NRG3: variants seen among roughly 807,000 people sequenced by gnomAD.
NRG3 encodes the protein pro-neuregulin-3, membrane-bound isoform.
NRG3 carries 31 observed loss-of-function variants against 66.9 expected under a neutral mutation model. The observed-to-expected ratio is 0.46, with a 90% CI of 0.35 to 0.63. NRG3 has a LOEUF of 0.63. Among genes scored for constraint, NRG3 ranks in the 20% least tolerant of loss-of-function variants. NRG3 has a pLI of 0.00. For missense variants in NRG3, 910 were observed against 878.9 expected, an observed-to-expected ratio of 1.04 and a Z score of -0.45; for synonymous variants, 393 against 359.4, an observed-to-expected ratio of 1.09 and a Z score of -1.06.
intron 1 of NRG3, among the ~76,000 whole-genome samples, chr10:82,204,886 C>G (rs2075041031): frequency 6.6e-6 from 1 of 152,168 alleles, no homozygotes; most frequent in South Asian, 2.1e-4. Context: ...GAAGTGGAGA[C>G]AGAGTGAGGA....
chr10:82,456,917 C>A (rs1223549140), intron 2 of NRG3, among the ~76,000 whole-genome samples: 1 of 152,052 alleles, frequency 6.6e-6, no homozygotes, highest in Non-Finnish European at 1.5e-5. Flanking sequence ...CAGTTCTCCT[C>A]TGTAGCCTGC....
intron 2 of NRG3, among the ~76,000 whole-genome samples, chr10:82,674,574 C>T (rs1406726207): frequency 6.6e-6 from 1 of 152,124 alleles, no homozygotes; most frequent in Admixed American, 6.5e-5. Flanking sequence ...ATGATCCCAG[C>T]AAGGAATGAG....
At chr10:81,880,531 T>C (rs140442606) in intron 1 of NRG3, among the ~76,000 whole-genome samples, 28 of 152,306 alleles carry the variant, frequency 1.8e-4, no homozygotes, top group African/African-American at 6.7e-4. Flanking sequence ...AGATCCAGGA[T>C]GTAGAGGAAT....
chr10:82,502,083 T>G (rs927357212), intron 2 of NRG3, among the ~76,000 whole-genome samples: 1 of 152,228 alleles, frequency 6.6e-6, no homozygotes, highest in Non-Finnish European at 1.5e-5. Context: ...ATTTGAATGC[T>G]ATGGGTGAGA....
chr10:82,006,253 G>A (rs1031289568), intron 1 of NRG3, among the ~76,000 whole-genome samples: 4 of 151,930 alleles, frequency 2.6e-5, no homozygotes, highest in Admixed American at 6.6e-5. Flanking sequence ...GGCCATTTGA[G>A]TGTCTTATGT....
intron 3 of NRG3, among the ~76,000 whole-genome samples, chr10:82,743,505 G>A (rs1030211984): frequency 2.6e-5 from 4 of 152,000 alleles, no homozygotes; most frequent in South Asian, 4.1e-4. Flanking sequence ...AACAATCTTC[G>A]GTAGAGTGTG....
intron 2 of NRG3, among the ~76,000 whole-genome samples, chr10:82,644,435 C>CT (rs2050796319): frequency 6.6e-6 from 1 of 152,030 alleles, no homozygotes; most frequent in Non-Finnish European, 1.5e-5. Flanking sequence ...CTTTTCTCTT[C>CT]TTTTTTTAAC....
intron 1 of NRG3, among the ~76,000 whole-genome samples, chr10:82,301,141 C>T (rs1390709507): frequency 6.6e-6 from 1 of 152,104 alleles, no homozygotes. Context: ...CGTGTGACAT[C>T]TGTTGAAATA....
At chr10:82,593,606 C>T (rs1406759696) in intron 2 of NRG3, among the ~76,000 whole-genome samples, 2 of 151,686 alleles carry the variant, frequency 1.3e-5, no homozygotes, top group Non-Finnish European at 2.9e-5. Context: ...ACTTCACAGG[C>T]TTAATTTAAG....
intron 2 of NRG3, among the ~76,000 whole-genome samples, chr10:82,687,185 G>T (rs1457979288): frequency 1.3e-5 from 2 of 152,110 alleles, no homozygotes; most frequent in Non-Finnish European, 2.9e-5. Flanking sequence ...GGCATAATGG[G>T]CTTCAAAATG....
chr10:82,703,582 G>A (rs1591239689), intron 2 of NRG3, among the ~76,000 whole-genome samples: 1 of 152,040 alleles, frequency 6.6e-6, no homozygotes, highest in Non-Finnish European at 1.5e-5. Flanking sequence ...CATTCAACAG[G>A]CACCCTTTTA....
chr10:82,930,323 G>C (rs1229694853), intron 4 of NRG3, among the ~76,000 whole-genome samples: 1 of 152,192 alleles, frequency 6.6e-6, no homozygotes, highest in South Asian at 2.1e-4. Flanking sequence ...ACTATGGTTA[G>C]CATAGTGGTG....
intron 1 of NRG3, among the ~76,000 whole-genome samples, chr10:82,072,693 CT>C (rs11379230): frequency 4.8e-4 from 72 of 150,038 alleles, no homozygotes; most frequent in African/African-American, 1.3e-3. Context: ...TTATAGATGA[CT>C]TTTTTTTTGC....
At chr10:82,093,182 G>C (rs2066135011) in intron 1 of NRG3, among the ~76,000 whole-genome samples, 1 of 152,134 alleles carries the variant, frequency 6.6e-6, no homozygotes, top group Non-Finnish European at 1.5e-5. Context: ...TCATTATTCA[G>C]ATAAGGACAC....
At chr10:82,785,981 A>C (rs949070796) in intron 3 of NRG3, among the ~76,000 whole-genome samples, 1 of 151,870 alleles carries the variant, frequency 6.6e-6, no homozygotes, top group African/African-American at 2.4e-5. Context: ...ATGGCGATCT[A>C]CTCCTAAATT....
chr10:82,469,477 G>GGTGGTC (rs1311828941), intron 2 of NRG3, among the ~76,000 whole-genome samples: 2 of 152,168 alleles, frequency 1.3e-5, no homozygotes, highest in Non-Finnish European at 2.9e-5. Flanking sequence ...TGGTGGTGGT[G>GGTGGTC]GTGGTCATGG....
intron 2 of NRG3, among the ~76,000 whole-genome samples, chr10:82,479,055 T>C (rs146515647): frequency 6.6e-6 from 1 of 152,314 alleles, no homozygotes. Flanking sequence ...CACTATCCAA[T>C]TTAATATCCT....
intron 1 of NRG3, among the ~76,000 whole-genome samples, chr10:82,313,127 G>A (rs966327953): frequency 2.0e-5 from 3 of 152,134 alleles, no homozygotes; most frequent in Non-Finnish European, 2.9e-5. Context: ...GCAGTGAACC[G>A]AGGTTGCGCC....
At chr10:82,589,166 A>T (rs1360041396) in intron 2 of NRG3, among the ~76,000 whole-genome samples, 1 of 152,108 alleles carries the variant, frequency 6.6e-6, no homozygotes, top group Non-Finnish European at 1.5e-5. Context: ...GCCGCTGTTC[A>T]TATCAATTAT....
Sources: allele counts gnomAD v4.1 joint callset (sites outside exome capture counted in the v4.1 genomes callset), GRCh38; gene constraint gnomAD v4.1.1; transcripts MANE v1.5; gene names NCBI Gene and HGNC (gene_info 2026-07-23, HGNC 2026-07-21).